ZNF385D: variants seen among roughly 807,000 people sequenced by gnomAD.
The protein encoded by ZNF385D is zinc finger protein 659.
A neutral mutation model predicts 35.8 loss-of-function variants in ZNF385D; 15 were observed. The observed-to-expected ratio is 0.42, with a 90% CI of 0.28 to 0.64. ZNF385D has a LOEUF of 0.64. Ranked by LOEUF, ZNF385D falls within the 30% of genes least tolerant of loss-of-function variation. The probability of loss-of-function intolerance (pLI) is 0.23; values close to 1 mark genes in which losing one functional copy is unlikely to be tolerated. For synonymous variants in ZNF385D, 212 were observed against 186.8 expected, an observed-to-expected ratio of 1.13 and a Z score of -1.10; for missense variants, 474 against 494.6, an observed-to-expected ratio of 0.96 and a Z score of 0.39.
chr3:21,588,864 G>A (rs1575262529), intron 2 of ZNF385D, among the ~76,000 whole-genome samples: 1 of 152,190 alleles, frequency 6.6e-6, no homozygotes, highest in South Asian at 2.1e-4. Flanking sequence ...CACTCCAACA[G>A]ATCTGAAGCC....
intron 3 of ZNF385D, among the ~76,000 whole-genome samples, chr3:21,764,798 A>C (rs907540753): frequency 3.3e-5 from 5 of 152,136 alleles, no homozygotes; most frequent in African/African-American, 1.2e-4. Flanking sequence ...GGAAGAAATG[A>C]CACTTTGAGG....
chr3:22,165,550 A>C (rs1706257455), intron 3 of ZNF385D, among the ~76,000 whole-genome samples: 1 of 152,236 alleles, frequency 6.6e-6, no homozygotes, highest in South Asian at 2.1e-4. Context: ...GGCAGTTGGC[A>C]GTATTTAAGA....
chr3:21,586,577 T>A (rs778211023), intron 2 of ZNF385D, among the ~76,000 whole-genome samples: 58 of 152,042 alleles, frequency 3.8e-4, no homozygotes, highest in Non-Finnish European at 5.4e-4. Context: ...TAAAGACAAA[T>A]TGAGGAGGTT....
chr3:21,694,042 C>CTTTCTTTTTTTTTTT (rs2067380157), intron 1 of ZNF385D, among the ~76,000 whole-genome samples: 1 of 22,178 alleles, frequency 4.5e-5, no homozygotes, highest in African/African-American at 2.1e-4. Flanking sequence ...CTACGCCTGG[C>CTTTCTTTTTTTTTTT]TTTTTTTTTT....
intron 3 of ZNF385D, among the ~76,000 whole-genome samples, chr3:21,941,259 GC>G (rs1254742429): frequency 1.3e-5 from 2 of 152,086 alleles, no homozygotes; most frequent in Non-Finnish European, 2.9e-5. Context: ...TGTTGATAAT[GC>G]CATTTTTGGG....
At chr3:21,801,704 C>T (rs1559635535) in intron 3 of ZNF385D, among the ~76,000 whole-genome samples, 1 of 152,116 alleles carries the variant, frequency 6.6e-6, no homozygotes, top group Non-Finnish European at 1.5e-5. Flanking sequence ...GGAACTACTG[C>T]AGCCCCTGGG....
intron 3 of ZNF385D, among the ~76,000 whole-genome samples, chr3:22,015,497 A>T (rs374455112): frequency 7.9e-5 from 12 of 152,024 alleles, no homozygotes; most frequent in Admixed American, 6.6e-4. Context: ...CATTTCCAAC[A>T]TTCTGCTTCA....
chr3:21,703,837 T>G (rs1382665749), intron 1 of ZNF385D, among the ~76,000 whole-genome samples: 1 of 152,066 alleles, frequency 6.6e-6, no homozygotes, highest in Non-Finnish European at 1.5e-5. Context: ...TACCTAGCAA[T>G]AGCTGCTACT....
chr3:22,365,507 GCAAA>G (rs1328877887), intron 2 of ZNF385D, among the ~76,000 whole-genome samples: 4 of 151,730 alleles, frequency 2.6e-5, no homozygotes, highest in East Asian at 1.9e-4. Flanking sequence ...TTTTTTGTTT[GCAAA>G]CAAACTTTAT....
At chr3:21,996,856 CGATT>C (rs1695496269) in intron 3 of ZNF385D, among the ~76,000 whole-genome samples, 1 of 152,050 alleles carries the variant, frequency 6.6e-6, no homozygotes, top group Admixed American at 6.5e-5. Flanking sequence ...AAAAGAGAAG[CGATT>C]AATTTATTGC....
At chr3:22,302,335 CA>C (rs1166835412) in intron 2 of ZNF385D, among the ~76,000 whole-genome samples, 1 of 151,690 alleles carries the variant, frequency 6.6e-6, no homozygotes, top group Non-Finnish European at 1.5e-5. Flanking sequence ...GTTAGTTTCT[CA>C]TTGTGATTTT....
chr3:21,553,971 T>G (rs1163618454), intron 3 of ZNF385D, among the ~76,000 whole-genome samples: 1 of 152,228 alleles, frequency 6.6e-6, no homozygotes, highest in Non-Finnish European at 1.5e-5. Flanking sequence ...ACTGGAGTTT[T>G]GAAACCCTCA....
intron 2 of ZNF385D, among the ~76,000 whole-genome samples, chr3:22,180,225 G>C (rs535866481): frequency 2.6e-5 from 4 of 152,278 alleles, no homozygotes; most frequent in Admixed American, 2.6e-4. Flanking sequence ...ACCCTCCGAA[G>C]ACTAAACCAG....
chr3:21,885,951 T>C (rs1427658854), intron 3 of ZNF385D, among the ~76,000 whole-genome samples: 2 of 152,036 alleles, frequency 1.3e-5, no homozygotes, highest in East Asian at 1.9e-4. Context: ...GGTCCACCCA[T>C]ATGTGAAGAA....
intron 3 of ZNF385D, among the ~76,000 whole-genome samples, chr3:21,955,266 G>A (rs538659755): frequency 6.6e-6 from 1 of 152,264 alleles, no homozygotes; most frequent in East Asian, 1.9e-4. Context: ...GCTGGAGGAA[G>A]CAGGTGATAT....
chr3:22,218,977 T>C (rs1019569398), intron 2 of ZNF385D, among the ~76,000 whole-genome samples: 3 of 152,114 alleles, frequency 2.0e-5, no homozygotes, highest in South Asian at 2.1e-4. Context: ...GAGAATGACA[T>C]GGTACAAAGA....
chr3:21,544,509 T>C (rs1004281643), intron 3 of ZNF385D, among the ~76,000 whole-genome samples: 3 of 152,180 alleles, frequency 2.0e-5, no homozygotes, highest in African/African-American at 7.2e-5. Flanking sequence ...AGGATTGTTT[T>C]GAGTTAGGAA....
chr3:22,173,312 G>C (rs1472069232), intron 2 of ZNF385D, among the ~76,000 whole-genome samples: 2 of 152,058 alleles, frequency 1.3e-5, no homozygotes, highest in African/African-American at 2.4e-5. Context: ...ATAAAACGTA[G>C]AGTATCATTA....
At chr3:21,891,482 T>A (rs1698862731) in intron 3 of ZNF385D, among the ~76,000 whole-genome samples, 2 of 152,194 alleles carry the variant, frequency 1.3e-5, no homozygotes, top group Admixed American at 6.5e-5. Context: ...GTCACACACC[T>A]CATTATATGG....
Sources: gnomAD v4.1 joint callset for allele counts (sites outside exome capture counted in the v4.1 genomes callset) on GRCh38, gnomAD v4.1.1 for gene constraint, MANE v1.5 for transcripts, NCBI Gene and HGNC (gene_info 2026-07-23, HGNC 2026-07-21) for gene names.